Variants in GOLGA6L24 observed in about 807,000 individuals in gnomAD.
GOLGA6L24 encodes golgin subfamily A member 6-like protein 24.
At chr15:28,353,375 T>A in the GOLGA6L24 span, among the ~76,000 whole-genome samples, 1 of 143,534 alleles carries the variant, frequency 7.0e-6, no homozygotes, top group Non-Finnish European at 1.5e-5. Flanking sequence ...TCTTTCTTTC[T>A]TTTTTTTTTT....
At chr15:28,353,314 CGT>C in the GOLGA6L24 span, 2 of 532,982 alleles carry the variant, frequency 3.8e-6, no homozygotes, top group Admixed American at 6.3e-5. Flanking sequence ...TCACACCTGA[CGT>C]GTTCTCAAGG....
chr15:28,355,324 T>C, the GOLGA6L24 span, among the ~76,000 whole-genome samples: 2 of 145,878 alleles, frequency 1.4e-5, no homozygotes, highest in Non-Finnish European at 3.0e-5. Flanking sequence ...GGAAGGTGAC[T>C]GAGGGTGGCC....
the GOLGA6L24 span, chr15:28,355,088 C>T: frequency 6.4e-7 from 1 of 1,572,914 alleles, no homozygotes; most frequent in Non-Finnish European, 8.7e-7. Context: ...AATGGCACCA[C>T]TGCCCCAGAA....
At chr15:28,353,764 TA>T in the GOLGA6L24 span, among the ~76,000 whole-genome samples, 2 of 148,786 alleles carry the variant, frequency 1.3e-5, no homozygotes, top group African/African-American at 4.9e-5. Context: ...AGCGATCAGA[TA>T]ATATTGTTAT....
At chr15:28,351,078 TCTTCTCCTCCTGCCTCCACAC>T in the GOLGA6L24 span, 1 of 478,278 alleles carries the variant, frequency 2.1e-6, no homozygotes, top group South Asian at 2.1e-5. Flanking sequence ...TGCTCCCGTA[TCTTCTCCTCCTGCCTCCACAC>T]CTTCTCCTCC....
the GOLGA6L24 span, chr15:28,354,837 A>T: frequency 6.2e-7 from 1 of 1,606,396 alleles, no homozygotes; most frequent in East Asian, 2.2e-5. Context: ...GTTTTCTGAC[A>T]TGTAAGGATT....
chr15:28,354,065 GGAT>G, the GOLGA6L24 span, among the ~76,000 whole-genome samples: 1 of 25,880 alleles, frequency 3.9e-5, no homozygotes, highest in African/African-American at 1.2e-4. Flanking sequence ...ATTTTTGAAA[GGAT>G]GATACGTTCG....
At chr15:28,353,377 T>C in the GOLGA6L24 span, among the ~76,000 whole-genome samples, 1 of 146,342 alleles carries the variant, frequency 6.8e-6, no homozygotes, top group Admixed American at 6.8e-5. Context: ...TTTCTTTCTT[T>C]TTTTTTTTTT....
the GOLGA6L24 span, among the ~76,000 whole-genome samples, chr15:28,355,183 G>A: frequency 8.4e-3 from 1,116 of 132,146 alleles, no homozygotes; most frequent in Middle Eastern, 0.081. Flanking sequence ...CCCAGGCTGG[G>A]AGTGGGTGAG....
chr15:28,351,056 C>CATA, the GOLGA6L24 span: 1 of 478,010 alleles, frequency 2.1e-6, no homozygotes, highest in Non-Finnish European at 3.8e-6. Context: ...CTGCTCCTGC[C>CATA]TCTTTTCCTC....
chr15:28,350,974 T>C, the GOLGA6L24 span: 1 of 1,061,570 alleles, frequency 9.4e-7, no homozygotes, highest in Non-Finnish European at 1.3e-6. Flanking sequence ...CCTGCTCCCG[T>C]ATCTTCTCCT....
At chr15:28,353,452 A>T in the GOLGA6L24 span, among the ~76,000 whole-genome samples, 1 of 151,010 alleles carries the variant, frequency 6.6e-6, no homozygotes, top group Non-Finnish European at 1.5e-5. Context: ...GCTCACCACA[A>T]CCTACACCTC....
At chr15:28,353,517 A>C in the GOLGA6L24 span, among the ~76,000 whole-genome samples, 1 of 151,230 alleles carries the variant, frequency 6.6e-6, no homozygotes, top group East Asian at 1.9e-4. Flanking sequence ...GATTACAGGC[A>C]TGTGCCACCA....
the GOLGA6L24 span, chr15:28,354,764 A>G: frequency 1.3e-6 from 2 of 1,597,892 alleles, no homozygotes; most frequent in Non-Finnish European, 1.7e-6. Flanking sequence ...ATGGGGTGCC[A>G]GATTCCCACC....
chr15:28,353,472 A>G, the GOLGA6L24 span, among the ~76,000 whole-genome samples: 1 of 151,550 alleles, frequency 6.6e-6, no homozygotes, highest in South Asian at 2.1e-4. Flanking sequence ...CCGGGGTTCA[A>G]GCAATTCTCC....
At chr15:28,354,823 C>T in the GOLGA6L24 span, 2 of 1,605,394 alleles carry the variant, frequency 1.2e-6, no homozygotes, top group Non-Finnish European at 1.7e-6. Context: ...CCATCTGAAG[C>T]TCAGTTTTCT....
At chr15:28,353,381 T>G in the GOLGA6L24 span, among the ~76,000 whole-genome samples, 8 of 140,482 alleles carry the variant, frequency 5.7e-5, no homozygotes, top group South Asian at 1.9e-3. Flanking sequence ...TTTCTTTTTT[T>G]TTTTTTTTTG....
chr15:28,353,420 G>A, the GOLGA6L24 span, among the ~76,000 whole-genome samples: 1 of 149,280 alleles, frequency 6.7e-6, no homozygotes, highest in African/African-American at 2.5e-5. Context: ...TGCCCTCACT[G>A]GAGTGCAATG....
chr15:28,355,015 A>T, the GOLGA6L24 span: 3 of 1,612,220 alleles, frequency 1.9e-6, no homozygotes, highest in African/African-American at 2.7e-5. Flanking sequence ...TCCTATAGAA[A>T]GAGGAAAACA....
Sources: gnomAD v4.1 joint callset for allele counts (sites outside exome capture counted in the v4.1 genomes callset) on GRCh38, gnomAD v4.1.1 for gene constraint, MANE v1.5 for transcripts, NCBI Gene and HGNC (gene_info 2026-07-23, HGNC 2026-07-21) for gene names.